Variants in SENP1 observed in about 807,000 individuals in gnomAD.
SENP1 encodes the protein sentrin-specific protease 1.
Under a neutral mutation model 93.0 loss-of-function variants are expected in SENP1, and 21 were observed. The ratio of observed to expected loss-of-function variants is 0.23; its 90% confidence interval spans 0.16 to 0.33. The LOEUF (loss-of-function observed/expected upper bound fraction) is 0.33. SENP1 is among the 10% of genes least tolerant of loss of function. SENP1 has a pLI of 1.00. For missense variants in SENP1, 591 were observed against 758.7 expected, an observed-to-expected ratio of 0.78 and a Z score of 2.60; for synonymous variants, 256 against 259.6, an observed-to-expected ratio of 0.99 and a Z score of 0.13.
At chr12:48,067,074 A>G in intron 9 of SENP1, 109 bp from the exon 10 acceptor site, 1 of 715,376 alleles carries the variant, frequency 1.4e-6, no homozygotes, top group East Asian at 2.7e-5. Context: ...TGAGTGCTTT[A>G]CAAGTATGGA....
intron 17 of SENP1, 90 bp downstream of exon 17, chr12:48,046,266 C>A: frequency 1.2e-6 from 1 of 826,268 alleles, no homozygotes; most frequent in Non-Finnish European, 2.1e-6. Context: ...GGGTAGAGGC[C>A]CCTAAAGAGA....
At chr12:48,096,013 C>G (rs1945533809) in intron 4 of SENP1, among the ~76,000 whole-genome samples, 1 of 152,114 alleles carries the variant, frequency 6.6e-6, no homozygotes, top group Non-Finnish European at 1.5e-5. Flanking sequence ...TAAATTAACG[C>G]AAAACAAACA....
chr12:48,069,629 G>A (rs1056702452), intron 9 of SENP1, among the ~76,000 whole-genome samples: 2 of 152,146 alleles, frequency 1.3e-5, no homozygotes, highest in African/African-American at 2.4e-5. Flanking sequence ...AAAAATAAGT[G>A]TTTTATCTGT....
At chr12:48,067,809 A>T (rs959291513) in intron 9 of SENP1, among the ~76,000 whole-genome samples, 5 of 144,130 alleles carry the variant, frequency 3.5e-5, no homozygotes, top group African/African-American at 1.0e-4. Flanking sequence ...TCTGTCTCTT[A>T]AAAAAAAAAA....
At chr12:48,096,925 G>A (rs1369989668) in intron 3 of SENP1, among the ~76,000 whole-genome samples, 1 of 152,052 alleles carries the variant, frequency 6.6e-6, no homozygotes, top group African/African-American at 2.4e-5. Context: ...GGACAACATG[G>A]AGAGACCCCG....
intron 6 of SENP1, among the ~76,000 whole-genome samples, chr12:48,076,237 C>T (rs1321372725): frequency 6.6e-6 from 1 of 152,252 alleles, no homozygotes; most frequent in Non-Finnish European, 1.5e-5. Context: ...AGCACCATCT[C>T]GTACTGTGAT....
intron 8 of SENP1, 42 bp from the exon 9 acceptor site, chr12:48,071,763 C>T: frequency 7.7e-7 from 1 of 1,306,176 alleles, no homozygotes; most frequent in East Asian, 2.3e-5. Flanking sequence ...TAAAACTCCA[C>T]AAAGTTATAC....
At chr12:48,059,721 TCTCTG>T (rs140154878) in intron 13 of SENP1, among the ~76,000 whole-genome samples, 8,935 of 152,252 alleles carry the variant, frequency 0.059, 345 homozygotes, top group Non-Finnish European at 0.093. Flanking sequence ...TGTTGGCTTT[TCTCTG>T]GGATATAGGT....
At chr12:48,074,198 C>A in intron 8 of SENP1, 126 bp downstream of exon 8, 2 of 839,382 alleles carry the variant, frequency 2.4e-6, no homozygotes, top group Admixed American at 2.7e-5. Flanking sequence ...ACATTTCGGA[C>A]TTCATATTTT....
In SENP1 at chr12:48,083,615, C is replaced by T; in HGVS notation, c.528G>A (p.Arg176=). ...RSLLSPKKTQ[R]RHVSTAEETV... ...CCTCTTCTGCTGTACTAACATGTCG[C>T]CTCTGAGTTTTCTTGGGGCTCAAAA... Residue 176 remains arginine (R), a synonymous_variant, in exon 6 of 18, where the codon AGG becomes AGA. Coordinates refer to ENST00000549518, the MANE Select transcript of SENP1 (RefSeq NM_001267594.2). 1.9e-6 allele frequency: 3 copies of T among 1,613,790 alleles called. No individual in the cohort carries two copies. Among genetic ancestry groups the T allele is most frequent in the African/African-American group, 1.3e-5 (1 of 75,028 alleles).
intron 13 of SENP1, among the ~76,000 whole-genome samples, chr12:48,051,992 A>T (rs1941855723): frequency 6.6e-6 from 1 of 152,168 alleles, no homozygotes; most frequent in African/African-American, 2.4e-5. Context: ...GTGCTTAAGG[A>T]GCTACCCTTC....
intron 2 of SENP1, chr12:48,099,054 G>A (rs1381326801): frequency 6.6e-6 from 1 of 152,158 alleles, no homozygotes; most frequent in Non-Finnish European, 1.5e-5. Context: ...AGGCAAGGTG[G>A]CTCACACCTG....
At chr12:48,049,869 T>C (rs1342101759) in intron 13 of SENP1, among the ~76,000 whole-genome samples, 1 of 152,202 alleles carries the variant, frequency 6.6e-6, no homozygotes, top group Admixed American at 6.5e-5. Context: ...ACATGAAGAA[T>C]AACGTTCTAC....
At position 48,044,586 on chromosome 12, in the gene SENP1, C is replaced by T. The variant is rs1170171530; in HGVS notation, c.*736G>A. 1 of 151,964 alleles carries T rather than the reference C, an allele frequency of 6.6e-6. No individual in the cohort carries two copies. Among genetic ancestry groups the T allele is most frequent in the Admixed American group, 6.6e-5 (1 of 15,244 alleles). 9.4% of individuals were successfully genotyped at this position (151,964 alleles called of 1,614,324 possible). A position where few individuals can be genotyped will look rare whatever the true frequency, so the allele number is the denominator to read the frequency against. On this transcript the variant is annotated 3_prime_UTR_variant, in exon 18 of 18. Coordinates refer to ENST00000549518, the MANE Select transcript of SENP1 (RefSeq NM_001267594.2). ...AAACCGCTCCCTGGGTGGGTCTTCC[C>T]CGTATCATGTGTTGGTAGCACATGC...
intron 9 of SENP1, among the ~76,000 whole-genome samples, chr12:48,071,363 C>T (rs1314003486): frequency 6.6e-6 from 1 of 152,112 alleles, no homozygotes. Flanking sequence ...CGCCTGTAAT[C>T]CCAGCACTTT....
intron 13 of SENP1, among the ~76,000 whole-genome samples, chr12:48,057,282 T>G (rs1385341657): frequency 6.8e-6 from 1 of 146,956 alleles, no homozygotes; most frequent in Non-Finnish European, 1.5e-5. Context: ...CAGGTTGGAG[T>G]GCAGTGGTGT....
chr12:48,048,338 C>T (rs184811261), intron 14 of SENP1, among the ~76,000 whole-genome samples: 1 of 152,300 alleles, frequency 6.6e-6, no homozygotes, highest in East Asian at 1.9e-4. Flanking sequence ...CATTCTCTCC[C>T]TCTGCAAAGT....
chr12:48,049,408 T>C (rs183489723), intron 13 of SENP1, among the ~76,000 whole-genome samples: 18 of 152,230 alleles, frequency 1.2e-4, no homozygotes, highest in African/African-American at 4.3e-4. Flanking sequence ...AGACTGAAGG[T>C]TAGGTCAAAA....
chr12:48,099,326 T>C (rs1945768288), intron 2 of SENP1, among the ~76,000 whole-genome samples: 1 of 151,714 alleles, frequency 6.6e-6, no homozygotes, highest in Admixed American at 6.6e-5. Context: ...AGACCCTGTC[T>C]CAGAAAACAA....
Sources: gnomAD v4.1 joint callset for allele counts (sites outside exome capture counted in the v4.1 genomes callset) on GRCh38, gnomAD v4.1.1 for gene constraint, MANE v1.5 for transcripts, NCBI Gene and HGNC (gene_info 2026-07-23, HGNC 2026-07-21) for gene names.